NBEA: variants seen among roughly 807,000 people sequenced by gnomAD.
NBEA encodes the protein neurobeachin.
NBEA carries 44 observed loss-of-function variants against 343.4 expected under a neutral mutation model. The ratio of observed to expected loss-of-function variants is 0.13; its 90% CI spans 0.10 to 0.16. NBEA has a LOEUF of 0.16. Ranked by LOEUF, NBEA falls within the 10% of genes least tolerant of loss-of-function variation. NBEA has a pLI of 1.00. For missense variants in NBEA, 2,555 were observed against 3,631.3 expected, an observed-to-expected ratio of 0.70 and a Z score of 7.62; for synonymous variants, 1,175 against 1,238.7, an observed-to-expected ratio of 0.95 and a Z score of 1.08.
intron 36 of NBEA, among the ~76,000 whole-genome samples, chr13:35,333,461 A>T (rs1336346015): frequency 1.3e-5 from 2 of 152,146 alleles, no homozygotes; most frequent in Non-Finnish European, 1.5e-5. Flanking sequence ...ATGTTTTGAT[A>T]CAAGTGTGCA....
intron 1 of NBEA, among the ~76,000 whole-genome samples, chr13:34,985,366 G>A (rs1356445934): frequency 2.6e-5 from 4 of 151,092 alleles, no homozygotes; most frequent in Non-Finnish European, 4.4e-5. Flanking sequence ...TGTTGAACCA[G>A]CCTGGTATCC....
intron 45 of NBEA, among the ~76,000 whole-genome samples, chr13:35,567,621 G>C (rs981864092): frequency 1.3e-5 from 2 of 152,184 alleles, no homozygotes; most frequent in Non-Finnish European, 2.9e-5. Flanking sequence ...CCAAAAAGCT[G>C]CTCTATAGTC....
rs771924712 is a variant in NBEA, at chr13:35,671,180, G to C, written c.*189G>C. The stretch of plus-strand genomic sequence containing the variant: ...TGTGTTTTTTCACGACTGAACACCA[G>C]CTGCTATCAAGCAAGCTTATATCAT... On this transcript the variant is annotated 3_prime_UTR_variant, in exon 59 of 59. Transcript: ENST00000379939. 2 of 546,640 alleles carry C rather than the reference G, an allele frequency of 3.7e-6. No homozygotes were observed. Among genetic ancestry groups the C allele is most frequent in the East Asian group, 5.7e-5 (2 of 35,072 alleles). The allele number at this position is 546,640 out of a possible 1,614,324, so 33.9% of individuals were successfully genotyped here.
chr13:35,117,292 T>A, intron 13 of NBEA, 122 bp from the exon 14 acceptor site: 1 of 357,380 alleles, frequency 2.8e-6, no homozygotes, highest in Non-Finnish European at 4.7e-6. Context: ...AGCATTAATA[T>A]AAATATTGTA....
At chr13:35,256,556 C>T (rs777858861) in intron 34 of NBEA, among the ~76,000 whole-genome samples, 1 of 152,124 alleles carries the variant, frequency 6.6e-6, no homozygotes, top group Admixed American at 6.6e-5. Flanking sequence ...CTTTCTTCCT[C>T]CTACGCCGTC....
intron 39 of NBEA, among the ~76,000 whole-genome samples, chr13:35,446,349 G>T (rs1336873716): frequency 6.6e-6 from 1 of 152,108 alleles, no homozygotes; most frequent in African/African-American, 2.4e-5. Context: ...GGATGGCTGG[G>T]TCAAATGGTA....
chr13:35,032,494 G>A (rs1822819), intron 1 of NBEA, among the ~76,000 whole-genome samples: 4,238 of 151,568 alleles, frequency 0.028, 87 homozygotes, highest in South Asian at 0.075. Context: ...TTTTTAGTGG[G>A]GTTTTTTTTC....
chr13:35,041,670 A>G (rs1194917324), intron 2 of NBEA, among the ~76,000 whole-genome samples: 1 of 151,938 alleles, frequency 6.6e-6, no homozygotes, highest in Non-Finnish European at 1.5e-5. Context: ...ATAAACTAAT[A>G]TATTATGGGC....
At chr13:35,156,274 A>G (rs1165852119) in intron 20 of NBEA, 68 bp downstream of exon 20, 21 of 1,396,784 alleles carry the variant, frequency 1.5e-5, no homozygotes, top group Non-Finnish European at 2.0e-5. Context: ...TTAGATTTTC[A>G]ATTCATTTCA....
At chr13:35,144,702 T>C (rs528964375) in intron 18 of NBEA, among the ~76,000 whole-genome samples, 1 of 152,248 alleles carries the variant, frequency 6.6e-6, no homozygotes, top group African/African-American at 2.4e-5. Flanking sequence ...TTCCTGCTGA[T>C]TAGAGATGTT....
chr13:35,365,538 A>G (rs1174345371), intron 38 of NBEA, among the ~76,000 whole-genome samples: 1 of 151,652 alleles, frequency 6.6e-6, no homozygotes, highest in Admixed American at 6.6e-5. Flanking sequence ...AAAAAGTAAC[A>G]TCTGGAATCT....
intron 55 of NBEA, among the ~76,000 whole-genome samples, chr13:35,664,337 C>T (rs939583669): frequency 6.6e-6 from 1 of 152,024 alleles, no homozygotes; most frequent in African/African-American, 2.4e-5. Context: ...GATAGGGGAT[C>T]GGGGGTGGTT....
chr13:35,292,941 C>T (rs1477372108), intron 35 of NBEA, among the ~76,000 whole-genome samples: 1 of 151,884 alleles, frequency 6.6e-6, no homozygotes, highest in Non-Finnish European at 1.5e-5. Flanking sequence ...AAAGAAAATG[C>T]AATATTGTGT....
At chr13:35,664,717 A>T (rs2085265702) in intron 55 of NBEA, among the ~76,000 whole-genome samples, 1 of 152,226 alleles carries the variant, frequency 6.6e-6, no homozygotes, top group Non-Finnish European at 1.5e-5. Flanking sequence ...GGATAGTAAG[A>T]GTTCCTACCT....
intron 41 of NBEA, among the ~76,000 whole-genome samples, chr13:35,517,674 G>T (rs145640868): frequency 6.6e-6 from 1 of 152,054 alleles, no homozygotes; most frequent in Non-Finnish European, 1.5e-5. Context: ...TAAGAGGCTC[G>T]CCCCAAACCA....
intron 33 of NBEA, among the ~76,000 whole-genome samples, chr13:35,214,720 G>A (rs531868142): frequency 1.8e-4 from 27 of 151,564 alleles, no homozygotes; most frequent in South Asian, 1.5e-3. Context: ...AAATAGTTTC[G>A]TCTTTTATGA....
At chr13:35,246,533 A>G (rs946496049) in intron 34 of NBEA, among the ~76,000 whole-genome samples, 5 of 152,148 alleles carry the variant, frequency 3.3e-5, no homozygotes, top group African/African-American at 1.2e-4. Flanking sequence ...CTGCTAGCCA[A>G]ACTGTAGTGA....
chr13:35,359,257 T>C (rs1245255156), intron 38 of NBEA, among the ~76,000 whole-genome samples: 1 of 152,204 alleles, frequency 6.6e-6, no homozygotes, highest in African/African-American at 2.4e-5. Context: ...CCTTTTTCTA[T>C]AGCATCCCTT....
chr13:35,550,914 T>C lies in NBEA; in HGVS notation c.6704-16T>C. On this transcript the variant is annotated splice_polypyrimidine_tract_variant and intron_variant, in intron 42 of 58. Transcript: ENST00000379939. ...CTGCGGTTTTCTAAACTCTGTTTTTTTTCTTCTTACCACAGCCTCAGTTAT... is the reference window on the plus strand; with the variant it reads ...CTGCGGTTTTCTAAACTCTGTTTTTCTTCTTCTTACCACAGCCTCAGTTAT... 2 of 1,531,388 alleles carry C rather than the reference T, an allele frequency of 1.3e-6. No homozygotes were observed. Among genetic ancestry groups the C allele is most frequent in the South Asian group, 2.3e-5 (2 of 86,368 alleles). The allele number at this position is 1,531,388 out of a possible 1,614,324, so 94.9% of individuals were successfully genotyped here.
Sources: gnomAD v4.1 joint callset for allele counts (sites outside exome capture counted in the v4.1 genomes callset) on GRCh38, gnomAD v4.1.1 for gene constraint, MANE v1.5 for transcripts, NCBI Gene and HGNC (gene_info 2026-07-23, HGNC 2026-07-21) for gene names.